CTNNA2: variants seen among roughly 807,000 people sequenced by gnomAD.
CTNNA2 encodes catenin alpha-2.
A neutral mutation model predicts 101.0 loss-of-function variants in CTNNA2; 42 were observed. The ratio of observed to expected loss-of-function variants is 0.42; its 90% CI spans 0.32 to 0.54. The LOEUF is 0.54. CTNNA2 is among the 20% of genes least tolerant of loss of function. The probability of loss-of-function intolerance (pLI) is 0.14; values close to 1 mark genes in which losing one functional copy is unlikely to be tolerated. For missense variants in CTNNA2, 871 were observed against 1,223.1 expected, an observed-to-expected ratio of 0.71 and a Z score of 4.29; for synonymous variants, 450 against 456.4, an observed-to-expected ratio of 0.99 and a Z score of 0.18.
chr2:80,150,896 T>C (rs1351460869), intron 7 of CTNNA2, among the ~76,000 whole-genome samples: 3 of 152,194 alleles, frequency 2.0e-5, no homozygotes, highest in Non-Finnish European at 2.9e-5. Flanking sequence ...ATGTGAGGGA[T>C]GGTCGTGGGC....
chr2:79,836,605 T>C (rs1679382994), intron 3 of CTNNA2, among the ~76,000 whole-genome samples: 1 of 152,196 alleles, frequency 6.6e-6, no homozygotes, highest in Non-Finnish European at 1.5e-5. Context: ...CCACACTTCC[T>C]TTGAAACATG....
intron 8 of CTNNA2, among the ~76,000 whole-genome samples, chr2:80,403,593 T>C (rs537716398): frequency 3.0e-4 from 45 of 152,322 alleles, no homozygotes; most frequent in African/African-American, 1.1e-3. Context: ...CCTTACTGCC[T>C]AATTATAAGG....
chr2:80,418,741 C>T (rs1334484676), intron 8 of CTNNA2, among the ~76,000 whole-genome samples: 2 of 152,246 alleles, frequency 1.3e-5, no homozygotes, highest in Admixed American at 1.3e-4. Flanking sequence ...AACAAAACAG[C>T]ACCAAGGTAA....
chr2:79,680,969 T>TTTTTG (rs1683525716), intron 2 of CTNNA2, among the ~76,000 whole-genome samples: 1 of 152,098 alleles, frequency 6.6e-6, no homozygotes, highest in Non-Finnish European at 1.5e-5. Context: ...ACCATAGAAG[T>TTTTTG]TTTTGTTTTG....
intron 7 of CTNNA2, among the ~76,000 whole-genome samples, chr2:79,911,585 G>T (rs1685803955): frequency 6.6e-6 from 1 of 152,104 alleles, no homozygotes; most frequent in African/African-American, 2.4e-5. Flanking sequence ...GTATTTTATT[G>T]ACTCCAGGCA....
intron 7 of CTNNA2, among the ~76,000 whole-genome samples, chr2:80,169,048 C>T (rs1704879312): frequency 6.6e-6 from 1 of 152,224 alleles, no homozygotes; most frequent in African/African-American, 2.4e-5. Context: ...GGCCACGGGG[C>T]CTGACCTTGG....
chr2:80,477,304 T>C (rs1215433247), intron 9 of CTNNA2, among the ~76,000 whole-genome samples: 1 of 152,176 alleles, frequency 6.6e-6, no homozygotes, highest in Non-Finnish European at 1.5e-5. Context: ...TACTAACTGA[T>C]TGCTTTCTAG....
chr2:79,652,216 A>G (rs1449286744), intron 2 of CTNNA2, among the ~76,000 whole-genome samples: 1 of 146,808 alleles, frequency 6.8e-6, no homozygotes, highest in Non-Finnish European at 1.5e-5. Flanking sequence ...TGCTATTTTA[A>G]CTCTGAGATT....
At chr2:79,235,901 G>GTCTGGA (rs1674551181) in intron 2 of CTNNA2, among the ~76,000 whole-genome samples, 1 of 152,112 alleles carries the variant, frequency 6.6e-6, no homozygotes, top group Non-Finnish European at 1.5e-5. Flanking sequence ...CTTCCCTGCT[G>GTCTGGA]TCTGGATGTT....
At position 79,933,655 on chromosome 2, in the gene CTNNA2, A is replaced by G. The variant is rs562450651; in HGVS notation, c.1056+23858A>G. Reference sequence around the variant, plus strand: ...TTTTTAGTAGAGACGGGGTTTCACCATGTTGGCCAGGCTGGTCTCGAACTC... The same window carrying G: ...TTTTTAGTAGAGACGGGGTTTCACCGTGTTGGCCAGGCTGGTCTCGAACTC... On this transcript the variant is annotated intron_variant, in intron 7 of 18. Transcript: ENST00000402739. Among the ~76,000 whole-genome samples, 10 of 152,168 alleles carry G rather than the reference A, an allele frequency of 6.6e-5. No homozygotes were observed. The South Asian group carries it at 1.7e-3, about 25-fold the overall frequency.
intron 7 of CTNNA2, among the ~76,000 whole-genome samples, chr2:80,101,092 T>C (rs1471905023): frequency 6.6e-6 from 1 of 152,220 alleles, no homozygotes; most frequent in Non-Finnish European, 1.5e-5. Flanking sequence ...AAATAAAGTA[T>C]CCAAGTGAAA....
chr2:80,021,172 A>G (rs1449982310), intron 7 of CTNNA2, among the ~76,000 whole-genome samples: 1 of 151,566 alleles, frequency 6.6e-6, no homozygotes, highest in Non-Finnish European at 1.5e-5. Flanking sequence ...GGCACATGCC[A>G]CCATGCCTGG....
chr2:79,982,396 A>C (rs1029443773), intron 7 of CTNNA2, among the ~76,000 whole-genome samples: 3 of 142,226 alleles, frequency 2.1e-5, no homozygotes, highest in African/African-American at 5.6e-5. Context: ...CATATATAAC[A>C]TATATAACAT....
chr2:79,686,627 T>C (rs1353646711), intron 2 of CTNNA2, among the ~76,000 whole-genome samples: 4 of 151,898 alleles, frequency 2.6e-5, no homozygotes, highest in African/African-American at 4.8e-5. Flanking sequence ...GAAGAAGTAA[T>C]AAATAAGGAA....
intron 1 of CTNNA2, among the ~76,000 whole-genome samples, chr2:79,526,391 GTATTGTTAA>G (rs981624820): frequency 6.6e-6 from 1 of 151,696 alleles, no homozygotes; most frequent in African/African-American, 2.4e-5. Context: ...GGAAGACTTA[GTATTGTTAA>G]TAAGGCAAAT....
intron 7 of CTNNA2, among the ~76,000 whole-genome samples, chr2:79,963,864 A>G (rs1057049926): frequency 6.6e-6 from 1 of 152,228 alleles, no homozygotes; most frequent in Non-Finnish European, 1.5e-5. Flanking sequence ...TTGATTCTCA[A>G]GCAAGTAGCG....
intron 7 of CTNNA2, among the ~76,000 whole-genome samples, chr2:80,296,792 A>G (rs1435528437): frequency 1.3e-5 from 2 of 152,118 alleles, no homozygotes; most frequent in African/African-American, 4.8e-5. Flanking sequence ...GTATCCAGAC[A>G]TCTACCTACT....
chr2:79,823,582 C>T (rs1323666798), intron 3 of CTNNA2, among the ~76,000 whole-genome samples: 2 of 152,084 alleles, frequency 1.3e-5, no homozygotes, highest in African/African-American at 4.8e-5. Flanking sequence ...ACATGTATGG[C>T]ATACCTCTTA....
chr2:79,204,587 C>T (rs1193491851), intron 2 of CTNNA2, among the ~76,000 whole-genome samples: 2 of 152,142 alleles, frequency 1.3e-5, no homozygotes, highest in Non-Finnish European at 2.9e-5. Flanking sequence ...TCTGACATTC[C>T]AGTTGTGTTA....
Sources: allele counts gnomAD v4.1 joint callset (sites outside exome capture counted in the v4.1 genomes callset), GRCh38; gene constraint gnomAD v4.1.1; transcripts MANE v1.5; gene names NCBI Gene and HGNC (gene_info 2026-07-23, HGNC 2026-07-21).